Variants in COX14 observed in about 807,000 individuals in gnomAD.
COX14 encodes cytochrome c oxidase assembly protein COX14.
Under a neutral mutation model 5.8 loss-of-function variants are expected in COX14, and 3 were observed. The ratio of observed to expected loss-of-function variants is 0.51; its 90% CI spans 0.23 to 1.33. The LOEUF is 1.33. COX14 is among the 40% of genes most tolerant of loss of function. The pLI is 0.18. For missense variants in COX14, 72 were observed against 72.1 expected (o/e 1.00, Z 0.01); for synonymous variants, 25 against 26.1 (o/e 0.96, Z 0.13).
intron 1 of COX14, chr12:50,112,542 T>G (rs1951034979): frequency 1.1e-6 from 1 of 916,292 alleles, no homozygotes; most frequent in Non-Finnish European, 1.3e-6. Context: ...AAACCTCGAC[T>G]CCTGCCTGGC....
chr12:50,115,851 C>T (rs780592341), intron 1 of COX14, among the ~76,000 whole-genome samples: 44 of 151,944 alleles, frequency 2.9e-4, no homozygotes, highest in Non-Finnish European at 5.4e-4. Context: ...GCACCGGCCA[C>T]GTGATCTTCT....
rs747406878 is a variant in COX14 at position 50,120,228 on chromosome 12, C to T, written c.*11C>T. 1.2e-6 allele frequency: 2 copies of T among 1,610,742 alleles called. No homozygotes were observed. Among genetic ancestry groups the T allele is most frequent in the Non-Finnish European group, 1.7e-6 (2 of 1,178,710 alleles). ...TCAGGAATCATGTAGAACTGGGGGG[C>T]TTTTTCTCCTGAGCAGAGAGGCCCA... On this transcript the variant is annotated 3_prime_UTR_variant, in exon 2 of 2. Coordinates refer to ENST00000550487, the MANE Select transcript of COX14 (RefSeq NM_032901.4).
At chr12:50,118,481 ATTT>A in intron 1 of COX14, 1 of 977,138 alleles carries the variant, frequency 1.0e-6, no homozygotes, top group Non-Finnish European at 1.2e-6. Context: ...ATAAATATGT[ATTT>A]TTGGCCAGGC....
Position 50,120,348 on chromosome 12 carries a change from A to G in COX14, c.*131A>G, listed in dbSNP as rs1951120029. On this transcript the variant is annotated 3_prime_UTR_variant, in exon 2 of 2. Coordinates refer to ENST00000550487, the MANE Select transcript of COX14 (RefSeq NM_032901.4). ...CAAACCCTGTTGGAAGAAAGTGCCC[A>G]TGGTTTCTCTGGTTCTGCCAGTTTG... 2 of 764,820 alleles carry G rather than the reference A, an allele frequency of 2.6e-6. No homozygotes were observed. The highest frequency in any genetic ancestry group is 2.0e-5 in the South Asian group (1 of 50,718). 47.4% of individuals were successfully genotyped at this position (764,820 alleles called of 1,614,324 possible).
At chr12:50,114,770 A>AT (rs71083507) in intron 1 of COX14, among the ~76,000 whole-genome samples, 1,019 of 70,644 alleles carry the variant, frequency 0.014, 129 homozygotes, top group African/African-American at 0.031. Flanking sequence ...GAGTATCTTA[A>AT]TTTTTTTTTT....
At position 50,116,093 on chromosome 12, in the gene COX14, GT is replaced by G. The variant is rs35100135; in HGVS notation, c.-9+3809del. On this transcript the variant is annotated intron_variant, in intron 1 of 1. Transcript: ENST00000550487. ...ACTGCTTTAGCTCAGAATCTGAAGA[GT>G]TTTTTTTTTTTTTTTTGAGACAGAG... Among the ~76,000 whole-genome samples, 903 of 125,376 alleles carry G rather than the reference GT, an allele frequency of 7.2e-3. 4 individuals are homozygous for G. The highest frequency in any genetic ancestry group is 0.043 in the South Asian group (166 of 3,904). The allele number at this position is 125,376 out of a possible 152,430, so 82.3% of individuals were successfully genotyped here. A position where few individuals can be genotyped will look rare whatever the true frequency, so the allele number is the denominator to read the frequency against.
intron 1 of COX14, 70 bp from the exon 2 acceptor site, chr12:50,119,966 C>G (rs1377136740): frequency 8.2e-7 from 1 of 1,216,394 alleles, no homozygotes; most frequent in African/African-American, 1.5e-5. Context: ...TATGGAATGG[C>G]GTTAAACAGG....
chr12:50,120,310 C>A lies in COX14; in HGVS notation c.*93C>A. Reference sequence around the variant, plus strand: ...CATTTCCAGGTCAACAGGACTAGAGCGTTGATGGTTTTCAAACCCTGTTGG... The same window carrying A: ...CATTTCCAGGTCAACAGGACTAGAGAGTTGATGGTTTTCAAACCCTGTTGG... On this transcript the variant is annotated 3_prime_UTR_variant, in exon 2 of 2. Coordinates refer to ENST00000550487, the MANE Select transcript of COX14 (RefSeq NM_032901.4). 1 of 1,101,468 alleles carries A rather than the reference C, an allele frequency of 9.1e-7. No homozygotes were observed. The highest frequency in any genetic ancestry group is 1.3e-6 in the Non-Finnish European group (1 of 767,792). The allele number at this position is 1,101,468 out of a possible 1,614,324, so 68.2% of individuals were successfully genotyped here.
intron 1 of COX14, among the ~76,000 whole-genome samples, chr12:50,113,709 T>G (rs1422821658): frequency 6.6e-6 from 1 of 151,810 alleles, no homozygotes; most frequent in Non-Finnish European, 1.5e-5. Flanking sequence ...CTCGGCTCAC[T>G]GCAACCTCCG....
intron 1 of COX14, among the ~76,000 whole-genome samples, chr12:50,115,450 C>T (rs559119710): frequency 1.1e-4 from 16 of 147,276 alleles, no homozygotes; most frequent in African/African-American, 3.3e-4. Flanking sequence ...CTCCTGACCT[C>T]GTGATCCACC....
intron 1 of COX14, among the ~76,000 whole-genome samples, chr12:50,114,732 A>G (rs1203809149): frequency 1.4e-5 from 2 of 143,982 alleles, no homozygotes; most frequent in African/African-American, 2.6e-5. Context: ...CATCTGCCTG[A>G]TAGACATCAT....
intron 1 of COX14, among the ~76,000 whole-genome samples, chr12:50,114,828 G>GC (rs889690473): frequency 9.6e-5 from 12 of 125,118 alleles, no homozygotes; most frequent in Non-Finnish European, 1.9e-4. Flanking sequence ...CTGTCGCCAG[G>GC]CTGGAGTACA....
intron 1 of COX14, among the ~76,000 whole-genome samples, chr12:50,113,129 C>T (rs952068096): frequency 2.6e-5 from 4 of 152,054 alleles, no homozygotes; most frequent in African/African-American, 7.3e-5. Flanking sequence ...CCCGCCTCGG[C>T]CTCCCAAAGT....
At chr12:50,113,927 CT>C (rs368320685) in intron 1 of COX14, among the ~76,000 whole-genome samples, 1,856 of 149,494 alleles carry the variant, frequency 0.012, 25 homozygotes, top group African/African-American at 0.033. Flanking sequence ...CACGCCCAGC[CT>C]TTTTTTTTTC....
At chr12:50,115,083 T>G (rs977939951) in intron 1 of COX14, among the ~76,000 whole-genome samples, 7 of 147,182 alleles carry the variant, frequency 4.8e-5, no homozygotes, top group African/African-American at 1.8e-4. Flanking sequence ...TTTTTTTTTT[T>G]TAAATAGAGA....
rs1951116479 is a variant in COX14 at position 50,120,061 on chromosome 12, G to A, written c.18G>A (p.Gln6=). 1 of 1,614,158 alleles carries A rather than the reference G, an allele frequency of 6.2e-7. No individual in the cohort carries two copies. Among genetic ancestry groups the A allele is most frequent in the Non-Finnish European group, 8.5e-7 (1 of 1,179,976 alleles). MPTGK[Q]LADIGYKTFS... Reference sequence around the variant, plus strand: ...GGGACAAGATGCCAACTGGCAAGCAGCTAGCTGACATTGGCTATAAGACCT... The same window carrying A: ...GGGACAAGATGCCAACTGGCAAGCAACTAGCTGACATTGGCTATAAGACCT... Residue 6 remains glutamine (Q), a synonymous_variant, in exon 2 of 2, where the codon CAG becomes CAA. Transcript: ENST00000550487.
chr12:50,115,303 C>T (rs2137939186), intron 1 of COX14, among the ~76,000 whole-genome samples: 1 of 151,400 alleles, frequency 6.6e-6, no homozygotes, highest in Non-Finnish European at 1.5e-5. Flanking sequence ...CGAGCTCCGC[C>T]TCCCGGGTTC....
intron 1 of COX14, among the ~76,000 whole-genome samples, chr12:50,118,161 C>T (rs560222899): frequency 6.6e-6 from 1 of 151,928 alleles, no homozygotes; most frequent in Admixed American, 6.5e-5. Context: ...GTTCTCCTGC[C>T]TTAGCCTCTC....
At chr12:50,119,535 A>C (rs376006834) in intron 1 of COX14, among the ~76,000 whole-genome samples, 2 of 152,292 alleles carry the variant, frequency 1.3e-5, no homozygotes, top group South Asian at 4.1e-4. Flanking sequence ...GTCTCTACAA[A>C]AGTAGAAAAA....
Sources: gnomAD v4.1 joint callset for allele counts (sites outside exome capture counted in the v4.1 genomes callset) on GRCh38, gnomAD v4.1.1 for gene constraint, MANE v1.5 for transcripts, NCBI Gene and HGNC (gene_info 2026-07-23, HGNC 2026-07-21) for gene names.